Variants in TPGS2 observed in about 807,000 individuals in gnomAD.
TPGS2 encodes the protein polyglutamylase subunit 2.
A neutral mutation model predicts 31.1 loss-of-function variants in TPGS2; 26 were observed. That is an observed-to-expected ratio of 0.84 (90% CI 0.61 to 1.16). TPGS2 has a LOEUF of 1.16. Ranked by LOEUF, TPGS2 falls within the 50% of genes most tolerant of loss-of-function variation. TPGS2 has a pLI of 0.00. For missense variants in TPGS2, 351 were observed against 363.8 expected (o/e 0.96, Z 0.29); for synonymous variants, 130 against 136.6 (o/e 0.95, Z 0.34).
At position 36,805,485 on chromosome 18, in the gene TPGS2, C is replaced by T; in HGVS notation, c.271G>A (p.Gly91Arg). The T allele has an allele frequency of 2.5e-6, 4 of 1,613,978 alleles. No individual in the cohort carries two copies. Among genetic ancestry groups the T allele is most frequent in the Non-Finnish European group, 3.4e-6 (4 of 1,179,938 alleles). The change falls in exon 4 of 7, where the codon GGA (glycine) becomes AGA (arginine). Residue 91 changes from glycine (G) to arginine (R), a missense_variant. Transcript: ENST00000334295. The stretch of plus-strand genomic sequence containing the variant: ...GAGATGCTGTTAATTGCCATGCTTC[C>T]CAGTGGAATGATGTGCTCTAGGGGA... ...VKLDEHIIPL[G>R]SMAINSISKL...
intron 2 of TPGS2, among the ~76,000 whole-genome samples, chr18:36,815,223 C>G (rs2045599575): frequency 6.6e-6 from 1 of 152,144 alleles, no homozygotes; most frequent in Non-Finnish European, 1.5e-5. Flanking sequence ...GCTTATCAAG[C>G]CTGCTCCTGT....
At chr18:36,790,591 A>G (rs2044276332), downstream of TPGS2, among the ~76,000 whole-genome samples, 1 of 152,206 alleles carries the variant, frequency 6.6e-6, no homozygotes, top group Non-Finnish European at 1.5e-5. Context: ...AGTCTGGGAG[A>G]CAATGTTTGG....
At chr18:36,807,584 G>C (rs1166767490) in intron 3 of TPGS2, 1 of 478,432 alleles carries the variant, frequency 2.1e-6, no homozygotes, top group Admixed American at 3.9e-5. Flanking sequence ...GTAATTAATG[G>C]TTTTCTCTAC....
chr18:36,804,435 T>TAAAG (rs1017335561), intron 4 of TPGS2, among the ~76,000 whole-genome samples: 1 of 152,126 alleles, frequency 6.6e-6, no homozygotes, highest in Non-Finnish European at 1.5e-5. Context: ...CCCATACATA[T>TAAAG]AAAGACAGTG....
At chr18:36,799,334 C>A (rs1157640093) in intron 5 of TPGS2, among the ~76,000 whole-genome samples, 2 of 152,182 alleles carry the variant, frequency 1.3e-5, no homozygotes, top group Admixed American at 6.5e-5. Context: ...TGCTTGCTTT[C>A]AAAGCTCTGC....
intron 6 of TPGS2, 173 bp downstream of exon 6, chr18:36,798,276 A>C: frequency 7.0e-7 from 1 of 1,433,564 alleles, no homozygotes; most frequent in Non-Finnish European, 9.2e-7. Context: ...TAGATGAGTA[A>C]AGTGAGGCTG....
At chr18:36,809,278 AATT>A (rs1311065977) in intron 2 of TPGS2, among the ~76,000 whole-genome samples, 3 of 152,176 alleles carry the variant, frequency 2.0e-5, no homozygotes, top group Non-Finnish European at 4.4e-5. Flanking sequence ...GAGACTAGGA[AATT>A]ATTATTATTC....
intron 5 of TPGS2, among the ~76,000 whole-genome samples, chr18:36,798,846 T>C (rs1029048231): frequency 1.3e-5 from 2 of 152,224 alleles, no homozygotes; most frequent in African/African-American, 4.8e-5. Context: ...TAGATTGATC[T>C]ATCTGCTGGT....
At chr18:36,807,497 C>T (rs368272040) in intron 3 of TPGS2, 26 of 249,758 alleles carry the variant, frequency 1.0e-4, no homozygotes, top group African/African-American at 5.4e-4. Context: ...CTGTCACTGC[C>T]GCCTACCCTG....
chr18:36,821,365 A>G (rs1000773356), intron 1 of TPGS2, among the ~76,000 whole-genome samples: 2 of 152,162 alleles, frequency 1.3e-5, no homozygotes, highest in Non-Finnish European at 2.9e-5. Flanking sequence ...GAGAGACCCC[A>G]AATGAGAACT....
At chr18:36,788,204 C>G (rs2044190124) in intron 6 of TPGS2, among the ~76,000 whole-genome samples, 1 of 144,158 alleles carries the variant, frequency 6.9e-6, no homozygotes, top group Non-Finnish European at 1.5e-5. Context: ...CCACAGCCAT[C>G]TATTTTAGAA....
intron 6 of TPGS2, among the ~76,000 whole-genome samples, chr18:36,786,055 A>G (rs1160628716): frequency 6.6e-6 from 1 of 152,174 alleles, no homozygotes; most frequent in Non-Finnish European, 1.5e-5. Flanking sequence ...TTTTAAATGT[A>G]TTACCATTAA....
intron 6 of TPGS2, chr18:36,798,157 C>T (rs1856391385): frequency 1.5e-5 from 18 of 1,199,550 alleles, no homozygotes; most frequent in Non-Finnish European, 1.9e-5. Context: ...GGTGCATGTA[C>T]TGCCAACCCA....
In TPGS2 at chr18:36,800,216, A is replaced by T; in HGVS notation, c.478T>A (p.Tyr160Asn). 2 of 1,614,126 alleles carry T rather than the reference A, an allele frequency of 1.2e-6. No individual in the cohort carries two copies. Among genetic ancestry groups the T allele is most frequent in the Non-Finnish European group, 1.7e-6 (2 of 1,179,990 alleles). Reference sequence around the variant, plus strand: ...TTCTTACCTGGTTTCCCACTTTTGTAGACAAGGCAAACTTTCCCACTGCCA... The same window carrying T: ...TTCTTACCTGGTTTCCCACTTTTGTTGACAAGGCAAACTTTCCCACTGCCA... Reference protein sequence around the residue: ...CNGSGKVCLVYKSGKPALAED... With the variant: ...CNGSGKVCLVNKSGKPALAED... Residue 160 changes from tyrosine to asparagine, a missense_variant, in exon 5 of 7, where the codon TAC (tyrosine) becomes AAC (asparagine). Physicochemically the swap from Tyr to Asn is moderately radical, Grantham distance 143 (BLOSUM62 -2). Coordinates refer to ENST00000334295, the MANE Select transcript of TPGS2 (RefSeq NM_015476.4).
At chr18:36,787,163 A>G (rs922643379) in intron 6 of TPGS2, 1 of 1,228,264 alleles carries the variant, frequency 8.1e-7, no homozygotes, top group South Asian at 4.2e-5. Context: ...TGTTACAGGT[A>G]GCACATTAAA....
At chr18:36,789,828 C>T (rs1175170487), downstream of TPGS2, 1 of 152,274 alleles carries the variant, frequency 6.6e-6, no homozygotes, top group African/African-American at 2.4e-5. Context: ...TCCCCTTTCA[C>T]CTGGCTCTCA....
At chr18:36,806,627 C>T (rs1313946) in intron 3 of TPGS2, among the ~76,000 whole-genome samples, 22 of 151,768 alleles carry the variant, frequency 1.4e-4, no homozygotes, top group African/African-American at 4.8e-4. Context: ...CCAAGGTGGG[C>T]GGATCATGAG....
chr18:36,780,284 T>A, downstream of TPGS2: 1 of 967,138 alleles, frequency 1.0e-6, no homozygotes, highest in Non-Finnish European at 1.3e-6. Context: ...ACGTGTTAGC[T>A]GTTGTTAACC....
intron 2 of TPGS2, 26 bp downstream of exon 2, chr18:36,818,868 G>C: frequency 6.8e-7 from 1 of 1,462,198 alleles, no homozygotes; most frequent in Non-Finnish European, 9.6e-7. Context: ...TTTGATGGGA[G>C]GTAGAGTTCA....
Sources: allele counts gnomAD v4.1 joint callset (sites outside exome capture counted in the v4.1 genomes callset), GRCh38; gene constraint gnomAD v4.1.1; transcripts MANE v1.5; gene names NCBI Gene and HGNC (gene_info 2026-07-23, HGNC 2026-07-21).